The following PFAS variants were observed in gnomAD, a reference collection of about 807,000 sequenced individuals.
PFAS encodes FGAM synthase.
Under a neutral mutation model 140.6 loss-of-function variants are expected in PFAS, and 97 were observed. The ratio of observed to expected loss-of-function variants is 0.69; its 90% CI spans 0.59 to 0.82. The LOEUF (loss-of-function observed/expected upper bound fraction) is 0.82. Among genes scored for constraint, PFAS ranks in the 40% least tolerant of loss-of-function variants. The pLI is 0.00. For missense variants in PFAS, 1,656 were observed against 1,780.2 expected (o/e 0.93, Z 1.26); for synonymous variants, 679 against 718.8 (o/e 0.94, Z 0.88).
chr17:8,258,057 T>C lies in PFAS; in HGVS notation c.1208-14T>C, dbSNP rs766599476. On this transcript the variant is annotated splice_polypyrimidine_tract_variant and intron_variant, in intron 10 of 27. Coordinates refer to ENST00000314666, the MANE Select transcript of PFAS (RefSeq NM_012393.3). ...GGAACTGAGTGACAGGTCCCTCTGA[T>C]GTTCACACTCCAGGCTTCGCCCGCT... The C allele has an allele frequency of 6.2e-6, 10 of 1,614,024 alleles. No individual in the cohort carries two copies. Among genetic ancestry groups the C allele is most frequent in the East Asian group, 2.2e-5 (1 of 44,900 alleles).
At chr17:8,263,538 A>G in intron 13 of PFAS, 37 bp from the exon 14 acceptor site, 1 of 1,578,170 alleles carries the variant, frequency 6.3e-7, no homozygotes, top group African/African-American at 1.3e-5. Context: ...CCTGACCACC[A>G]CTAGGTCACT....
At chr17:8,257,554 T>C (rs1165792039) in intron 9 of PFAS, among the ~76,000 whole-genome samples, 1 of 150,250 alleles carries the variant, frequency 6.7e-6, no homozygotes, top group African/African-American at 2.5e-5. Context: ...AGACTCCATC[T>C]CAAAAAAAAA....
chr17:8,248,135 C>T (rs967947674), upstream of PFAS: 4 of 879,940 alleles, frequency 4.5e-6, no homozygotes. Context: ...GAGCGGGTTT[C>T]CTCGCCACCT....
intron 12 of PFAS, 53 bp from the exon 13 acceptor site, chr17:8,263,056 C>A: frequency 6.2e-7 from 1 of 1,607,982 alleles, no homozygotes; most frequent in Non-Finnish European, 8.5e-7. Context: ...CATAGGGGAG[C>A]GTATAGGAGC....
Position 8,269,486 on chromosome 17 carries a change from C to T in PFAS, c.*222C>T, listed in dbSNP as rs1051715818. 1.9e-6 allele frequency: 1 copy of T among 535,604 alleles called. No homozygotes were observed. The highest frequency in any genetic ancestry group is 1.9e-5 in the African/African-American group (1 of 52,988). 33.2% of individuals were successfully genotyped at this position (535,604 alleles called of 1,614,324 possible). ...TGCTCTAACATGGCATGCCCTTTCT[C>T]AGCCCAGGAAACAGCATGTGGTTCA... On this transcript the variant is annotated 3_prime_UTR_variant, in exon 28 of 28. Transcript: ENST00000314666.
chr17:8,266,653 C>T lies in PFAS; in HGVS notation c.2822-100C>T, dbSNP rs1184788157. ...CCCTACCCTACTCTCTGGCTGCATC[C>T]CTCTGACCCTCACCCTGGCCCTTCC... On this transcript the variant is annotated intron_variant, in intron 22 of 27. Transcript: ENST00000314666. This position sits in a 1 kb window ranked among gnomAD's most constrained non-coding sequence, Gnocchi z 5.0. 1.3e-6 allele frequency: 2 copies of T among 1,518,158 alleles called. No individual in the cohort carries two copies. The highest frequency in any genetic ancestry group is 1.8e-6 in the Non-Finnish European group (2 of 1,139,114). 94.0% of individuals were successfully genotyped at this position (1,518,158 alleles called of 1,614,324 possible). A position where few individuals can be genotyped will look rare whatever the true frequency, so the allele number is the denominator to read the frequency against.
rs1989875327 is a variant in PFAS, at chr17:8,267,688, A to G, written c.3382+23A>G. 2 of 1,318,060 alleles carry G rather than the reference A, an allele frequency of 1.5e-6. No individual in the cohort carries two copies. The highest frequency in any genetic ancestry group is 1.2e-5 in the South Asian group (1 of 81,360). The allele number at this position is 1,318,060 out of a possible 1,614,324, so 81.6% of individuals were successfully genotyped here. On this transcript the variant is annotated intron_variant, in intron 26 of 27. Transcript: ENST00000314666. This position sits in a 1 kb window ranked among gnomAD's most constrained non-coding sequence, Gnocchi z 4.9. Reference sequence around the variant, plus strand: ...AAGGTCAGTGTGCAGGCTTCTGCCCACTCCCTTCCCCCACATTCCTGAAGA... The same window carrying G: ...AAGGTCAGTGTGCAGGCTTCTGCCCGCTCCCTTCCCCCACATTCCTGAAGA...
At chr17:8,251,271 T>C (rs975495309) in intron 1 of PFAS, among the ~76,000 whole-genome samples, 4 of 151,764 alleles carry the variant, frequency 2.6e-5, no homozygotes, top group African/African-American at 9.7e-5. Flanking sequence ...GGCAACAGAG[T>C]GAGACCCCAT....
At chr17:8,264,027 A>G in intron 15 of PFAS, 91 bp downstream of exon 15, 1 of 1,524,746 alleles carries the variant, frequency 6.6e-7, no homozygotes, top group South Asian at 1.1e-5. Context: ...AGGGAGAGAG[A>G]CGAGAGGAAG....
At chr17:8,258,879 C>G (rs539337686) in intron 11 of PFAS, among the ~76,000 whole-genome samples, 2 of 151,184 alleles carry the variant, frequency 1.3e-5, no homozygotes, top group African/African-American at 4.9e-5. Context: ...CCCAGCTACT[C>G]GGAGGCTGAG....
At position 8,254,163 on chromosome 17, in the gene PFAS, C is replaced by A. The variant is rs1464771440; in HGVS notation, c.143-3C>A. ...AAGGTGTCCTTGCCCTGTCTCCCTG[C>A]AGCTGAGGCCCTCCCCAGTGCTGAG... On this transcript the variant is annotated splice_region_variant and splice_polypyrimidine_tract_variant and intron_variant, in intron 2 of 27. Transcript: ENST00000314666. 1.9e-6 allele frequency: 3 copies of A among 1,614,012 alleles called. No homozygotes were observed. Among genetic ancestry groups the A allele is most frequent in the African/African-American group, 1.3e-5 (1 of 74,902 alleles).
rs1989875034 is a variant in PFAS, at chr17:8,267,679, C to T, written c.3382+14C>T. 7.3e-7 allele frequency: 1 copy of T among 1,363,830 alleles called. No individual in the cohort carries two copies. The highest frequency in any genetic ancestry group is 1.0e-6 in the Non-Finnish European group (1 of 957,144). The allele number at this position is 1,363,830 out of a possible 1,614,324, so 84.5% of individuals were successfully genotyped here. A position where few individuals can be genotyped will look rare whatever the true frequency, so the allele number is the denominator to read the frequency against. On this transcript the variant is annotated intron_variant, in intron 26 of 27. Coordinates refer to ENST00000314666, the MANE Select transcript of PFAS (RefSeq NM_012393.3). The surrounding 1 kb of genome is among the most constrained non-coding windows in gnomAD (Gnocchi z 4.9). ...GCTCTGCCAAAGGTCAGTGTGCAGG[C>T]TTCTGCCCACTCCCTTCCCCCACAT...
Position 8,257,962 on chromosome 17 carries a change from G to A in PFAS, c.1207+24G>A, listed in dbSNP as rs777609702. 20 of 1,613,390 alleles carry A rather than the reference G, an allele frequency of 1.2e-5. No individual in the cohort carries two copies. The South Asian group carries it at 2.1e-4, about 17-fold the overall frequency. ...TGGTGAGGCTGGGGTGTGGAGGGATGACAAACACCCAGAGGGGCTTGTGGG... is the reference window on the plus strand; with the variant it reads ...TGGTGAGGCTGGGGTGTGGAGGGATAACAAACACCCAGAGGGGCTTGTGGG... On this transcript the variant is annotated intron_variant, in intron 10 of 27. Coordinates refer to ENST00000314666, the MANE Select transcript of PFAS (RefSeq NM_012393.3).
At chr17:8,248,010 A>G (rs2151564261), upstream of PFAS, 1 of 1,434,890 alleles carries the variant, frequency 7.0e-7, no homozygotes, top group Non-Finnish European at 9.4e-7. Flanking sequence ...TCACGGAGGA[A>G]GGGACCTGGG....
At chr17:8,248,078 T>TTGGGGGTGGGGA (rs532641941), upstream of PFAS, 4 of 586,880 alleles carry the variant, frequency 6.8e-6, no homozygotes, top group South Asian at 3.0e-5. Flanking sequence ...AGGTGCTCGC[T>TTGGGGGTGGGGA]TGGGGGTGGG....
In PFAS at chr17:8,267,562, G is replaced by A; in HGVS notation, c.3279G>A (p.Val1093=). 6.2e-6 allele frequency: 10 copies of A among 1,611,148 alleles called. No homozygotes were observed. The highest frequency in any genetic ancestry group is 8.5e-6 in the Non-Finnish European group (10 of 1,177,296). The change falls in exon 26 of 28, where the codon GTG becomes GTA. Residue 1093 remains valine (V), a synonymous_variant. Transcript: ENST00000314666. This position sits in a 1 kb window ranked among gnomAD's most constrained non-coding sequence, Gnocchi z 4.9. ...FHLAGFEVWD[V]TMQDLCSGAI... is the part of the protein sequence containing the mutation. ...CCCCACCTTCGCAGGTATGGGACGT[G>A]ACCATGCAGGACCTCTGCTCTGGGG...
rs35025606 is a variant in PFAS at position 8,263,910 on chromosome 17, G to C, written c.1765G>C (p.Val589Leu). The stretch of plus-strand genomic sequence containing the variant: ...CCGTGAACGTTGCCCGGCTTGCTTC[G>C]TGGGCACCATCACTGGAGACCGGAG... ...SARERCPACF[V>L]GTITGDRRIV... is the part of the protein sequence containing the mutation. The change falls in exon 15 of 28, where the codon GTG becomes CTG. Residue 589 changes from valine (V) to leucine (L), a missense_variant. Val to Leu is a conservative substitution (Grantham distance 32, BLOSUM62 1). Transcript: ENST00000314666. 1.2e-6 allele frequency: 2 copies of C among 1,613,456 alleles called. No individual in the cohort carries two copies. Among genetic ancestry groups the C allele is most frequent in the African/African-American group, 2.7e-5 (2 of 74,910 alleles).
Position 8,265,977 on chromosome 17 carries a change from C to G in PFAS, c.2661C>G (p.Asn887Lys), listed in dbSNP as rs759993614. The G allele has an allele frequency of 6.2e-7, 1 of 1,613,186 alleles. No homozygotes were observed. The highest frequency in any genetic ancestry group is 1.3e-5 in the African/African-American group (1 of 74,928). The change falls in exon 21 of 28, where the codon AAC becomes AAG. Residue 887 changes from asparagine to lysine, a missense_variant. Asn to Lys is a moderately conservative substitution (Grantham distance 94, BLOSUM62 0). This residue lies in a region of PFAS where 883 missense variants were observed against 1,023.0 expected (regional missense o/e 0.86). Transcript: ENST00000314666. ...CTCCAGACCTGGACCTTCCTGAGAA[C>G]TTGGTGCGGGCCTTCAGCATCACTC... ...EHPPDLDLPE[N>K]LVRAFSITQG...
chr17:8,257,644 A>G (rs1989427235), intron 9 of PFAS, among the ~76,000 whole-genome samples, 163 bp from the exon 10 acceptor site: 1 of 152,106 alleles, frequency 6.6e-6, no homozygotes, highest in Non-Finnish European at 1.5e-5. Flanking sequence ...CCAGTGCCTC[A>G]CTGCAGGCTC....
Sources: allele counts gnomAD v4.1 joint callset (sites outside exome capture counted in the v4.1 genomes callset), GRCh38; gene constraint gnomAD v4.1.1; regional missense constraint gnomAD v4.1.1; non-coding constraint Gnocchi (gnomAD v3.1); transcripts MANE v1.5; gene names NCBI Gene and HGNC (gene_info 2026-07-23, HGNC 2026-07-21).